Variants in RUFY2 observed in about 807,000 individuals in gnomAD.
RUFY2 encodes RUN and FYVE domain-containing protein 2.
RUFY2 carries 49 observed loss-of-function variants against 94.4 expected under a neutral mutation model. That is an observed-to-expected ratio of 0.52 (90% CI 0.41 to 0.66). The LOEUF (loss-of-function observed/expected upper bound fraction) is 0.66. RUFY2 is among the 30% of genes least tolerant of loss of function. RUFY2 has a pLI of 0.00. For missense variants in RUFY2, 541 were observed against 692.8 expected (o/e 0.78, Z 2.46); for synonymous variants, 255 against 235.7 (o/e 1.08, Z -0.75).
At chr10:68,403,739 C>T (rs765171073) in intron 2 of RUFY2, among the ~76,000 whole-genome samples, 1 of 151,676 alleles carries the variant, frequency 6.6e-6, no homozygotes, top group African/African-American at 2.4e-5. Flanking sequence ...TCAAGGCTTC[C>T]TTCTTGTTTT....
intron 12 of RUFY2, chr10:68,378,335 T>C: frequency 8.3e-7 from 1 of 1,208,236 alleles, no homozygotes; most frequent in Non-Finnish European, 1.0e-6. Flanking sequence ...AAAGGGTCAA[T>C]ACTCAAATCA....
At chr10:68,390,507 A>C (rs1280063071) in intron 7 of RUFY2, among the ~76,000 whole-genome samples, 2 of 152,210 alleles carry the variant, frequency 1.3e-5, no homozygotes, top group Non-Finnish European at 2.9e-5. Flanking sequence ...CATGAGCCAC[A>C]TGTGGCTACT....
intron 4 of RUFY2, among the ~76,000 whole-genome samples, chr10:68,394,801 T>C (rs1393797667): frequency 4.0e-5 from 6 of 151,666 alleles, no homozygotes; most frequent in Non-Finnish European, 7.4e-5. Flanking sequence ...GGCTAATTTT[T>C]TGTATTTTTA....
At chr10:68,392,835 G>A (rs2050106994) in intron 7 of RUFY2, among the ~76,000 whole-genome samples, 1 of 151,516 alleles carries the variant, frequency 6.6e-6, no homozygotes, top group African/African-American at 2.4e-5. Flanking sequence ...GGCTGAGGCA[G>A]GGGAATCACT....
chr10:68,407,216 C>T lies in RUFY2; in HGVS notation c.-27G>A. On this transcript the variant is annotated 5_prime_UTR_variant, in exon 1 of 18. Coordinates refer to ENST00000602465, the MANE Select transcript of RUFY2 (RefSeq NM_001330103.2). Reference sequence around the variant, plus strand: ...GCGGCGGCGGCTGCGCGGTCTCGGGCGGAGGCTCCCTCGGCCTGTCCAGCA... The same window carrying T: ...GCGGCGGCGGCTGCGCGGTCTCGGGTGGAGGCTCCCTCGGCCTGTCCAGCA... 2 of 1,398,808 alleles carry T rather than the reference C, an allele frequency of 1.4e-6. No homozygotes were observed. The highest frequency in any genetic ancestry group is 1.8e-6 in the Non-Finnish European group (2 of 1,088,488). The allele number at this position is 1,398,808 out of a possible 1,614,324, so 86.6% of individuals were successfully genotyped here.
At chr10:68,393,272 C>A in intron 6 of RUFY2, 69 bp from the exon 7 acceptor site, 1 of 736,880 alleles carries the variant, frequency 1.4e-6, no homozygotes, top group Non-Finnish European at 2.2e-6. Context: ...AAATCTAAAT[C>A]ATCTAAAATT....
intron 13 of RUFY2, among the ~76,000 whole-genome samples, chr10:68,369,045 G>A (rs2048063901): frequency 6.6e-6 from 1 of 152,160 alleles, no homozygotes; most frequent in Admixed American, 6.5e-5. Context: ...TAAAGTTCTT[G>A]CACCCTGCTG....
chr10:68,376,711 A>T (rs1392594232), intron 13 of RUFY2, 142 bp downstream of exon 13: 10 of 707,366 alleles, frequency 1.4e-5, no homozygotes, highest in African/African-American at 7.2e-5. Context: ...TATTTTCTAA[A>T]TTTTTTTGTT....
At position 68,354,997 on chromosome 10, in the gene RUFY2, C is replaced by G. The variant is rs777382237; in HGVS notation, c.1599+356G>C. 3.3e-5 allele frequency among the ~76,000 whole-genome samples: 5 copies of G among 152,248 alleles called. No individual in the cohort carries two copies. In the South Asian group the frequency reaches 1.0e-3, roughly 32 times the overall value. On this transcript the variant is annotated intron_variant, in intron 16 of 17. Transcript: ENST00000602465. ...GAGTGGCTGGGATTACAGGCACCCACTACCACACTCAACAAATGTTTGTAT... is the reference window on the plus strand; with the variant it reads ...GAGTGGCTGGGATTACAGGCACCCAGTACCACACTCAACAAATGTTTGTAT...
chr10:68,364,322 G>A (rs1224169626), intron 13 of RUFY2, among the ~76,000 whole-genome samples: 1 of 152,050 alleles, frequency 6.6e-6, no homozygotes, highest in East Asian at 1.9e-4. Context: ...TGCCAGCCAC[G>A]AAAAAATCCT....
chr10:68,343,384 A>ATAT (rs2046084672), downstream of RUFY2: 2 of 152,664 alleles, frequency 1.3e-5, no homozygotes, highest in African/African-American at 4.8e-5. Context: ...AGCAATTTAA[A>ATAT]TATTAGGGCA....
At chr10:68,400,146 T>A (rs2050701297) in intron 3 of RUFY2, among the ~76,000 whole-genome samples, 1 of 151,412 alleles carries the variant, frequency 6.6e-6, no homozygotes, top group African/African-American at 2.4e-5. Flanking sequence ...CCCCCATCTC[T>A]ACTAAAAATA....
At position 68,357,125 on chromosome 10, in the gene RUFY2, G is replaced by GC. The variant is rs371880597; in HGVS notation, c.1551-1725dup. ...AGAGATTGCACTGAGCCGAGATCGT[G>GC]CCACTGCACTCCTGGGTGACAGAGC... On this transcript the variant is annotated intron_variant, in intron 15 of 17. Coordinates refer to ENST00000602465, the MANE Select transcript of RUFY2 (RefSeq NM_001330103.2). 5.9e-4 allele frequency among the ~76,000 whole-genome samples: 90 copies of GC among 151,728 alleles called. 2 individuals are homozygous for GC. The highest frequency in any genetic ancestry group is 2.1e-3 in the African/African-American group (86 of 41,428).
chr10:68,379,442 A>G lies in RUFY2; in HGVS notation c.1187T>C (p.Met396Thr), dbSNP rs1198433172. 6.2e-7 allele frequency: 1 copy of G among 1,609,412 alleles called. No individual in the cohort carries two copies. Among genetic ancestry groups the G allele is most frequent in the African/African-American group, 1.3e-5 (1 of 74,548 alleles). Residue 396 changes from methionine (M) to threonine (T), a missense_variant, in exon 12 of 18, where the codon ATG becomes ACG. Physicochemically the swap from Met to Thr is moderately conservative, Grantham distance 81 (BLOSUM62 -1). This residue lies in a region of RUFY2 where 403 missense variants were observed against 480.7 expected (regional missense o/e 0.84). Coordinates refer to ENST00000602465, the MANE Select transcript of RUFY2 (RefSeq NM_001330103.2). ...GCTGTACCTTTGTTCCAGCTGCCTC[A>G]TGGCTGCAGTAATTTTATTGGTTTT... ...EEKTNKITAA[M>T]RQLEQRLQQA... is the part of the protein sequence containing the mutation.
chr10:68,406,729 C>G, intron 1 of RUFY2: 4 of 1,594,552 alleles, frequency 2.5e-6, no homozygotes, highest in African/African-American at 1.3e-5. Context: ...CTGGGGGCCC[C>G]CCAGGACCAT....
intron 16 of RUFY2, among the ~76,000 whole-genome samples, chr10:68,349,640 G>A (rs774357485): frequency 6.6e-6 from 1 of 151,790 alleles, no homozygotes; most frequent in Non-Finnish European, 1.5e-5. Context: ...CCGGGTTCGC[G>A]CCATTCTCCT....
In RUFY2 at chr10:68,381,373, T is replaced by TTGTACTGCTAGCGTA; in HGVS notation, c.965_966insTACGCTAGCAGTACA (p.Val321_Gln322insHisThrLeuAlaVal). ...GTTCAATCTCATGCTTCATACTAACTTGTACTGCTAGCTCATTCTCTACAT... is the reference window on the plus strand; with the variant it reads ...GTTCAATCTCATGCTTCATACTAACTTGTACTGCTAGCGTATGTACTGCTAGCTCATTCTCTACAT... On this transcript the variant is annotated inframe_insertion, in exon 11 of 18. Transcript: ENST00000602465. 2.5e-6 allele frequency: 4 copies of TTGTACTGCTAGCGTA among 1,613,536 alleles called. No homozygotes were observed. The highest frequency in any genetic ancestry group is 3.4e-6 in the Non-Finnish European group (4 of 1,179,868).
chr10:68,392,322 G>A (rs181575567), intron 7 of RUFY2, among the ~76,000 whole-genome samples: 49 of 152,154 alleles, frequency 3.2e-4, no homozygotes, highest in African/African-American at 1.1e-3. Flanking sequence ...GAGCCACTGC[G>A]CCTGGCCACA....
Position 68,344,685 on chromosome 10 carries a change from G to GA in RUFY2, c.*1082dup, listed in dbSNP as rs202107920. ...GGCAACAAGAGTGAAACTCCATCTC[G>GA]AAAAAAAAAGAAATAGGTCAAGTGT... is the stretch of plus-strand genomic sequence containing the variant. On this transcript the variant is annotated 3_prime_UTR_variant, in exon 18 of 18. Coordinates refer to ENST00000602465, the MANE Select transcript of RUFY2 (RefSeq NM_001330103.2). The GA allele has an allele frequency of 4.7e-5, 7 of 150,366 alleles. No individual in the cohort carries two copies. The highest frequency in any genetic ancestry group is 7.3e-5 in the African/African-American group (3 of 40,874). The allele number at this position is 150,366 out of a possible 1,614,324, so 9.3% of individuals were successfully genotyped here.
Sources: allele counts gnomAD v4.1 joint callset (sites outside exome capture counted in the v4.1 genomes callset), GRCh38; gene constraint gnomAD v4.1.1; regional missense constraint gnomAD v4.1.1; transcripts MANE v1.5; gene names NCBI Gene and HGNC (gene_info 2026-07-23, HGNC 2026-07-21).